KALRN: variants seen among roughly 807,000 people sequenced by gnomAD.
KALRN encodes kalirin.
A neutral mutation model predicts 353.7 loss-of-function variants in KALRN; 70 were observed. The ratio of observed to expected loss-of-function variants is 0.20; its 90% CI spans 0.16 to 0.24. The LOEUF is 0.24. KALRN is among the 10% of genes least tolerant of loss of function. The pLI, the probability that KALRN is intolerant of heterozygous loss-of-function variation, is 1.00. For missense variants in KALRN, 2,791 were observed against 3,756.7 expected (o/e 0.74, Z 6.72); for synonymous variants, 1,391 against 1,434.8 (o/e 0.97, Z 0.69).
intron 1 of KALRN, chr3:124,094,771 C>T: frequency 2.2e-6 from 3 of 1,386,596 alleles, no homozygotes; most frequent in South Asian, 1.2e-5. Flanking sequence ...CCGGCCTCCT[C>T]GAGTCAGCGG....
chr3:124,355,595 C>T (rs1211189792), intron 10 of KALRN, among the ~76,000 whole-genome samples: 1 of 152,002 alleles, frequency 6.6e-6, no homozygotes, highest in East Asian at 1.9e-4. Context: ...TTTTTATGAG[C>T]TGTCCAAAAC....
rs374189167 is a variant in KALRN, at chr3:124,316,205, C to T, written c.1093-9775C>T. Reference sequence around the variant, plus strand: ...CCTCTTATTGCCGCCTCCATGGTTACCCCCTTGATCCAAGCTGACATCAGC... The same window carrying T: ...CCTCTTATTGCCGCCTCCATGGTTATCCCCTTGATCCAAGCTGACATCAGC... On this transcript the variant is annotated intron_variant, in intron 6 of 59. Transcript: ENST00000682506. Among the ~76,000 whole-genome samples the T allele has an allele frequency of 3.3e-5, 5 of 152,194 alleles. No individual in the cohort carries two copies. The South Asian group carries it at 6.2e-4, about 19-fold the overall frequency.
intron 1 of KALRN, among the ~76,000 whole-genome samples, chr3:124,174,162 G>C (rs2072317542): frequency 6.6e-6 from 1 of 152,154 alleles, no homozygotes; most frequent in Non-Finnish European, 1.5e-5. Flanking sequence ...GGCCAGGCAT[G>C]GTAGCTCATG....
chr3:124,710,266 A>T (rs529641996), intron 57 of KALRN, among the ~76,000 whole-genome samples: 2 of 152,256 alleles, frequency 1.3e-5, no homozygotes, highest in Non-Finnish European at 2.9e-5. Flanking sequence ...TAATGTAGAT[A>T]CTGAATATTG....
intron 51 of KALRN, among the ~76,000 whole-genome samples, chr3:124,688,429 C>T (rs1039386228): frequency 6.6e-6 from 1 of 151,366 alleles, no homozygotes; most frequent in African/African-American, 2.4e-5. Flanking sequence ...ACTATTATAC[C>T]TAAATTCTTA....
intron 33 of KALRN, among the ~76,000 whole-genome samples, chr3:124,534,933 G>A (rs915429564): frequency 2.6e-5 from 4 of 152,046 alleles, no homozygotes; most frequent in Non-Finnish European, 5.9e-5. Flanking sequence ...GTTTCCAGGC[G>A]TCAATGCGGG....
At chr3:124,240,604 C>T (rs1173372759) in intron 3 of KALRN, among the ~76,000 whole-genome samples, 8 of 152,146 alleles carry the variant, frequency 5.3e-5, no homozygotes, top group African/African-American at 1.7e-4. Context: ...ACCCCACTCT[C>T]TTCCCATTCT....
rs765900138 is a variant in KALRN at position 124,228,069 on chromosome 3, G to GT, written c.148+6dup. Reference sequence around the variant, plus strand: ...AAAAGGTGGCCTTCGTGTCTGGTGAGTATTTGTGGGACTTTCTTTTGTAAA... The same window carrying GT: ...AAAAGGTGGCCTTCGTGTCTGGTGAGTTATTTGTGGGACTTTCTTTTGTAAA... On this transcript the variant is annotated splice_donor_region_variant and intron_variant, in intron 2 of 59. Coordinates refer to ENST00000682506, the MANE Select transcript of KALRN (RefSeq NM_001388419.1). The GT allele has an allele frequency of 6.2e-7, 1 of 1,610,016 alleles. No homozygotes were observed. Among genetic ancestry groups the GT allele is most frequent in the Non-Finnish European group, 8.5e-7 (1 of 1,176,320 alleles).
chr3:124,051,422 G>A (rs1349270728), intron 1 of KALRN, among the ~76,000 whole-genome samples: 1 of 152,144 alleles, frequency 6.6e-6, no homozygotes, highest in Admixed American at 6.5e-5. Flanking sequence ...CAACAATGAC[G>A]AGTTCTAGTC....
chr3:124,555,197 T>G (rs1336991732), intron 33 of KALRN, among the ~76,000 whole-genome samples: 1 of 151,748 alleles, frequency 6.6e-6, no homozygotes, highest in Non-Finnish European at 1.5e-5. Context: ...TTCTACCAAG[T>G]CAGTATCATT....
chr3:124,615,567 C>T (rs953135708), intron 34 of KALRN, among the ~76,000 whole-genome samples: 23 of 152,180 alleles, frequency 1.5e-4, no homozygotes, highest in African/African-American at 5.5e-4. Context: ...AAAATGTTAA[C>T]ATTGGAGGAA....
intron 1 of KALRN, among the ~76,000 whole-genome samples, chr3:124,182,910 A>T (rs901362277): frequency 3.3e-5 from 5 of 152,254 alleles, no homozygotes; most frequent in Non-Finnish European, 2.9e-5. Context: ...ACATAAAAAG[A>T]AAAATAAAGT....
chr3:124,690,322 G>T (rs904852410), intron 51 of KALRN, among the ~76,000 whole-genome samples: 13 of 152,164 alleles, frequency 8.5e-5, no homozygotes, highest in African/African-American at 2.9e-4. Flanking sequence ...GTGTGAGAAG[G>T]GTGTTCTCCT....
chr3:124,184,373 T>C (rs574671631), intron 1 of KALRN, among the ~76,000 whole-genome samples: 1 of 152,352 alleles, frequency 6.6e-6, no homozygotes, highest in South Asian at 2.1e-4. Flanking sequence ...GTATTATAAT[T>C]CTAAAATGCA....
rs1375473230 is a variant in KALRN at position 124,720,410 on chromosome 3, C to A, written c.*940C>A. On this transcript the variant is annotated 3_prime_UTR_variant, in exon 60 of 60. Coordinates refer to ENST00000682506, the MANE Select transcript of KALRN (RefSeq NM_001388419.1). Reference sequence around the variant, plus strand: ...TTCATATAAAAGGGCAAATGAAAACCTTTCCTACAGTTCCTATGAACAACG... The same window carrying A: ...TTCATATAAAAGGGCAAATGAAAACATTTCCTACAGTTCCTATGAACAACG... 1 of 152,556 alleles carries A rather than the reference C, an allele frequency of 6.6e-6. No homozygotes were observed. The highest frequency in any genetic ancestry group is 1.5e-5 in the Non-Finnish European group (1 of 68,024). 9.5% of individuals were successfully genotyped at this position (152,556 alleles called of 1,614,324 possible).
chr3:124,035,234 T>C (rs1433611317), intron 1 of KALRN, among the ~76,000 whole-genome samples: 2 of 151,972 alleles, frequency 1.3e-5, no homozygotes, highest in African/African-American at 2.4e-5. Context: ...CTTCTCTCTC[T>C]CTCTCTCATA....
intron 1 of KALRN, among the ~76,000 whole-genome samples, chr3:124,080,469 T>A (rs2060484105): frequency 6.6e-6 from 1 of 152,228 alleles, no homozygotes; most frequent in Admixed American, 6.5e-5. Context: ...GATAGATAGA[T>A]AGATATCATC....
intron 34 of KALRN, among the ~76,000 whole-genome samples, chr3:124,581,447 G>A (rs549691154): frequency 1.3e-5 from 2 of 151,424 alleles, no homozygotes; most frequent in South Asian, 4.2e-4. Flanking sequence ...TTTGCCTATA[G>A]TGGACTACTT....
intron 1 of KALRN, among the ~76,000 whole-genome samples, chr3:124,216,914 G>A (rs2077392756): frequency 6.6e-6 from 1 of 152,114 alleles, no homozygotes; most frequent in African/African-American, 2.4e-5. Flanking sequence ...TTGTGTCTTA[G>A]TTAGTCTCCT....
Sources: gnomAD v4.1 joint callset for allele counts (sites outside exome capture counted in the v4.1 genomes callset) on GRCh38, gnomAD v4.1.1 for gene constraint, MANE v1.5 for transcripts, NCBI Gene and HGNC (gene_info 2026-07-23, HGNC 2026-07-21) for gene names.